SLIT3: variants seen among roughly 807,000 people sequenced by gnomAD.
The protein encoded by SLIT3 is slit guidance ligand 3, also known as slit homolog 3 protein.
A neutral mutation model predicts 184.0 loss-of-function variants in SLIT3; 68 were observed. That is an observed-to-expected ratio of 0.37 (90% CI 0.30 to 0.45). SLIT3 has a LOEUF of 0.45. SLIT3 is among the 20% of genes least tolerant of loss of function. The pLI is 1.00. For missense variants in SLIT3, 1,707 were observed against 2,026.0 expected (o/e 0.84, Z 3.02); for synonymous variants, 831 against 828.6 (o/e 1.00, Z -0.05).
chr5:169,251,840 C>G (rs1329057012), intron 1 of SLIT3, among the ~76,000 whole-genome samples: 2 of 152,092 alleles, frequency 1.3e-5, no homozygotes, highest in Non-Finnish European at 2.9e-5. Context: ...TTTTCCTGAC[C>G]ACAGCAAATG....
intron 11 of SLIT3, 80 bp from the exon 12 acceptor site, chr5:168,786,058 C>G: frequency 1.0e-6 from 1 of 953,922 alleles, no homozygotes; most frequent in Non-Finnish European, 1.7e-6. Context: ...GCCATCACCT[C>G]GGCCAGTTCT....
At chr5:169,206,912 T>G (rs776529728) in intron 3 of SLIT3, among the ~76,000 whole-genome samples, 17 of 152,210 alleles carry the variant, frequency 1.1e-4, no homozygotes, top group Non-Finnish European at 1.8e-4. Context: ...GTTATTTTTT[T>G]TCTTTTGCTA....
intron 20 of SLIT3, among the ~76,000 whole-genome samples, chr5:168,745,461 G>T: frequency 6.6e-6 from 1 of 151,864 alleles, no homozygotes; most frequent in East Asian, 1.9e-4. Context: ...GCCCAAGCTG[G>T]AGTGCAGTGG....
chr5:168,962,550 G>GAAAGA (rs1270395645), intron 4 of SLIT3, among the ~76,000 whole-genome samples: 2 of 150,016 alleles, frequency 1.3e-5, no homozygotes, highest in East Asian at 1.9e-4. Context: ...AGAAGTAGAA[G>GAAAGA]AAAGAAAAGA....
intron 3 of SLIT3, among the ~76,000 whole-genome samples, chr5:169,237,678 A>G (rs1765251726): frequency 6.6e-6 from 1 of 152,140 alleles, no homozygotes; most frequent in South Asian, 2.1e-4. Flanking sequence ...ATGTTTTTGT[A>G]TGCTTACTTG....
At chr5:169,013,733 G>A (rs1396917621) in intron 4 of SLIT3, among the ~76,000 whole-genome samples, 1 of 152,200 alleles carries the variant, frequency 6.6e-6, no homozygotes, top group Non-Finnish European at 1.5e-5. Flanking sequence ...TGTATTTTGA[G>A]CAGGCCTGGC....
chr5:168,671,143 G>A (rs1284186473), intron 34 of SLIT3, 55 bp downstream of exon 34: 1 of 1,567,592 alleles, frequency 6.4e-7, no homozygotes, highest in Non-Finnish European at 8.7e-7. Flanking sequence ...GTGGGGTAGG[G>A]ACTGAGGCCA....
At chr5:169,282,297 A>G (rs904306451) in intron 1 of SLIT3, among the ~76,000 whole-genome samples, 1 of 152,210 alleles carries the variant, frequency 6.6e-6, no homozygotes, top group Non-Finnish European at 1.5e-5. Flanking sequence ...TTGAAGATGC[A>G]CAGGTCAGAA....
chr5:168,800,318 G>C (rs1756719010), intron 9 of SLIT3, among the ~76,000 whole-genome samples: 2 of 152,230 alleles, frequency 1.3e-5, no homozygotes, highest in South Asian at 4.1e-4. Flanking sequence ...GGGCGCAGTG[G>C]CTCACGCCTG....
At chr5:168,933,272 G>T (rs1325225531) in intron 4 of SLIT3, among the ~76,000 whole-genome samples, 1 of 152,142 alleles carries the variant, frequency 6.6e-6, no homozygotes, top group Non-Finnish European at 1.5e-5. Context: ...GGCTGGGCGC[G>T]GTGGCTCAAG....
Position 168,662,349 on chromosome 5 carries a change from T to C in SLIT3, c.*4105A>G, listed in dbSNP as rs1398818794. 6.6e-6 allele frequency: 1 copy of C among 152,244 alleles called. No homozygotes were observed. The highest frequency in any genetic ancestry group is 1.5e-5 in the Non-Finnish European group (1 of 68,056). The allele number at this position is 152,244 out of a possible 1,614,324, so 9.4% of individuals were successfully genotyped here. A position where few individuals can be genotyped will look rare whatever the true frequency, so the allele number is the denominator to read the frequency against. On this transcript the variant is annotated 3_prime_UTR_variant, in exon 36 of 36. Coordinates refer to ENST00000519560, the MANE Select transcript of SLIT3 (RefSeq NM_003062.4). ...CCAGCAAAGGCAGTGGGTGACTGCTTGACTTTAGGGTTCAGTCTGGCAATA... is the reference window on the plus strand; with the variant it reads ...CCAGCAAAGGCAGTGGGTGACTGCTCGACTTTAGGGTTCAGTCTGGCAATA...
At chr5:169,178,274 C>T (rs540241437) in intron 4 of SLIT3, among the ~76,000 whole-genome samples, 100 of 152,318 alleles carry the variant, frequency 6.6e-4, no homozygotes, top group Middle Eastern at 3.4e-3. Flanking sequence ...AAGCAGGTAC[C>T]TTTGGGCTGT....
intron 4 of SLIT3, among the ~76,000 whole-genome samples, chr5:169,093,185 T>A (rs950168241): frequency 1.3e-5 from 2 of 152,184 alleles, no homozygotes; most frequent in Non-Finnish European, 2.9e-5. Flanking sequence ...GTAAGTATTA[T>A]CAAGAATTCA....
rs76995558 is a variant in SLIT3 at position 168,893,433 on chromosome 5, C to T, written c.414-10097G>A. On this transcript the variant is annotated intron_variant, in intron 4 of 35. Coordinates refer to ENST00000519560, the MANE Select transcript of SLIT3 (RefSeq NM_003062.4). ...CCTAATTTGATTGTCATAGCTAACA[C>T]TGTCAATCTGAAATCCAGTAGCATG... is the stretch of plus-strand genomic sequence containing the variant. Among the ~76,000 whole-genome samples, 916 of 152,252 alleles carry T rather than the reference C, an allele frequency of 6.0e-3. 28 individuals are homozygous for T. The highest frequency in any genetic ancestry group is 0.04 in the East Asian group (207 of 5,172).
chr5:169,291,336 G>C (rs10061289), intron 1 of SLIT3, among the ~76,000 whole-genome samples: 108,093 of 152,038 alleles, frequency 0.71, 38,869 homozygotes, highest in South Asian at 0.81. Context: ...ACTACTCTTG[G>C]AGGGTGTATC....
chr5:168,930,020 A>G (rs898269444), intron 4 of SLIT3, among the ~76,000 whole-genome samples: 3 of 152,204 alleles, frequency 2.0e-5, no homozygotes, highest in Admixed American at 1.3e-4. Context: ...GACTTGCAGC[A>G]TAAGTCACTC....
At chr5:168,953,010 G>A (rs965102610) in intron 4 of SLIT3, among the ~76,000 whole-genome samples, 7 of 152,160 alleles carry the variant, frequency 4.6e-5, no homozygotes, top group African/African-American at 9.7e-5. Flanking sequence ...AGGACGGGTC[G>A]GGGAGACCAG....
rs1033022371 is a variant in SLIT3 at position 168,749,537 on chromosome 5, TG to T, written c.2071del (p.Gln691ArgfsTer31). On this transcript the variant is annotated frameshift_variant, in exon 19 of 36. Transcript: ENST00000519560. LOFTEE classifies it high-confidence loss of function. Reference protein sequence around the residue: ...RRIVSGNPRCQKPFFLKEIPI... With the variant: ...RRIVSGNPRCXKPFFLKEIPI... ...AATCTCCTTGAGGAAAAATGGCTTC[TG>T]GCACCTAGGGTTCCCACTGACGATC... The T allele has an allele frequency of 6.2e-7, 1 of 1,614,098 alleles. No individual in the cohort carries two copies. The highest frequency in any genetic ancestry group is 8.5e-7 in the Non-Finnish European group (1 of 1,180,038).
At chr5:168,845,267 T>G (rs1367654282) in intron 5 of SLIT3, among the ~76,000 whole-genome samples, 1 of 152,204 alleles carries the variant, frequency 6.6e-6, no homozygotes, top group Non-Finnish European at 1.5e-5. Flanking sequence ...GGTGGTTTGA[T>G]GCCTCTGTGC....
Sources: gnomAD v4.1 joint callset for allele counts (sites outside exome capture counted in the v4.1 genomes callset) on GRCh38, gnomAD v4.1.1 for gene constraint, MANE v1.5 for transcripts, NCBI Gene and HGNC (gene_info 2026-07-23, HGNC 2026-07-21) for gene names.